LUZP2: variants seen among roughly 807,000 people sequenced by gnomAD.
The protein encoded by LUZP2 is leucine zipper protein 2.
Under a neutral mutation model 51.6 loss-of-function variants are expected in LUZP2, and 52 were observed. The observed-to-expected ratio is 1.01, with a 90% CI of 0.81 to 1.27. The LOEUF is 1.27. Among genes scored for constraint, LUZP2 ranks in the 50% most tolerant of loss-of-function variants. The probability of loss-of-function intolerance (pLI) is 0.00; values close to 1 mark genes in which losing one functional copy is unlikely to be tolerated. For synonymous variants in LUZP2, 154 were observed against 137.3 expected, an observed-to-expected ratio of 1.12 and a Z score of -0.85; for missense variants, 436 against 395.4, an observed-to-expected ratio of 1.10 and a Z score of -0.87.
At chr11:25,044,809 T>C (rs1010522905) in intron 9 of LUZP2, among the ~76,000 whole-genome samples, 1 of 151,836 alleles carries the variant, frequency 6.6e-6, no homozygotes. Context: ...GGAACCAACC[T>C]AAATGTCCAA....
intron 1 of LUZP2, among the ~76,000 whole-genome samples, chr11:24,728,546 CA>C (rs949772824): frequency 6.6e-6 from 1 of 151,766 alleles, no homozygotes; most frequent in Non-Finnish European, 1.5e-5. Flanking sequence ...GAAAATTTTC[CA>C]AAACATAAAT....
chr11:24,827,312 C>T (rs1850573044), intron 5 of LUZP2, among the ~76,000 whole-genome samples: 1 of 151,982 alleles, frequency 6.6e-6, no homozygotes, highest in South Asian at 2.1e-4. Context: ...TTTCTTCAGG[C>T]CCAAGATAAC....
chr11:24,590,819 T>C (rs1420405098), intron 1 of LUZP2, among the ~76,000 whole-genome samples: 2 of 152,212 alleles, frequency 1.3e-5, no homozygotes, highest in Non-Finnish European at 2.9e-5. Flanking sequence ...CTTCCCTTAT[T>C]TTCATCATGG....
chr11:24,650,841 C>T (rs1398756260), intron 1 of LUZP2, among the ~76,000 whole-genome samples: 1 of 152,044 alleles, frequency 6.6e-6, no homozygotes, highest in Non-Finnish European at 1.5e-5. Context: ...CATTAATATG[C>T]ATCATAAGTT....
chr11:24,532,364 T>C (rs1211224896), intron 1 of LUZP2, among the ~76,000 whole-genome samples: 2 of 151,074 alleles, frequency 1.3e-5, no homozygotes, highest in Non-Finnish European at 3.0e-5. Context: ...AGTCTAAACA[T>C]TAAAATTAGT....
chr11:24,926,072 T>A (rs1413839017), intron 7 of LUZP2, among the ~76,000 whole-genome samples: 1 of 151,956 alleles, frequency 6.6e-6, no homozygotes, highest in African/African-American at 2.4e-5. Context: ...TATTATTTTG[T>A]TCCTTTTTAT....
At chr11:24,832,840 TA>T (rs1043230223) in intron 5 of LUZP2, among the ~76,000 whole-genome samples, 1 of 152,062 alleles carries the variant, frequency 6.6e-6, no homozygotes, top group Non-Finnish European at 1.5e-5. Flanking sequence ...TTATTCTAAA[TA>T]AAAAATAAAT....
At chr11:24,854,417 A>G (rs973210624) in intron 5 of LUZP2, among the ~76,000 whole-genome samples, 5 of 152,206 alleles carry the variant, frequency 3.3e-5, no homozygotes, top group Non-Finnish European at 5.9e-5. Context: ...CTTTGTTTAC[A>G]CTATGAGTGG....
chr11:24,745,852 A>G (rs1859361576), intron 4 of LUZP2, among the ~76,000 whole-genome samples: 2 of 151,906 alleles, frequency 1.3e-5, no homozygotes, highest in African/African-American at 2.4e-5. Flanking sequence ...TAATTTTTGT[A>G]TTTTTAGTAG....
chr11:24,889,386 TC>T (rs1430195158), intron 5 of LUZP2, among the ~76,000 whole-genome samples: 1 of 152,164 alleles, frequency 6.6e-6, no homozygotes. Flanking sequence ...ATTACCAGGT[TC>T]CAAATTTTTC....
chr11:25,030,915 G>A (rs900050176), intron 9 of LUZP2, among the ~76,000 whole-genome samples: 751 of 7,454 alleles, frequency 0.1, 20 homozygotes, highest in Non-Finnish European at 0.15. Context: ...AATATATATT[G>A]TATTATATAT....
intron 5 of LUZP2, among the ~76,000 whole-genome samples, chr11:24,900,239 G>A (rs562339606): frequency 4.6e-5 from 7 of 152,142 alleles, no homozygotes; most frequent in African/African-American, 1.2e-4. Context: ...GCTTTATAAG[G>A]TTGGTCTAAA....
intron 7 of LUZP2, among the ~76,000 whole-genome samples, chr11:24,964,277 A>T (rs1855516292): frequency 6.6e-6 from 1 of 152,194 alleles, no homozygotes; most frequent in Non-Finnish European, 1.5e-5. Flanking sequence ...TGGTAATTAC[A>T]TAATGGTGGT....
At chr11:24,698,846 A>T (rs1304149855) in intron 1 of LUZP2, among the ~76,000 whole-genome samples, 2 of 152,054 alleles carry the variant, frequency 1.3e-5, no homozygotes, top group Non-Finnish European at 2.9e-5. Flanking sequence ...ACTTGAGCTC[A>T]GGACTTTGAG....
rs1565280822 is a variant in LUZP2 at position 25,048,832 on chromosome 11, A to ATTT, written c.766-1206_766-1205insTTT. ...TTACTTTTTATTTATTTATTTAATT[A>ATTT]ATTAATTTATTTATTTATTATTATA... On this transcript the variant is annotated intron_variant, in intron 9 of 11. Transcript: ENST00000336930. Among the ~76,000 whole-genome samples, 67 of 150,676 alleles carry ATTT rather than the reference A, an allele frequency of 4.4e-4. 2 individuals are homozygous for ATTT. In the South Asian group the frequency reaches 0.01, roughly 23 times the overall value.
At chr11:24,581,125 C>G (rs536013378) in intron 1 of LUZP2, among the ~76,000 whole-genome samples, 2 of 150,434 alleles carry the variant, frequency 1.3e-5, no homozygotes, top group South Asian at 4.2e-4. Context: ...TATAGAAAGC[C>G]TAGCACCATT....
intron 5 of LUZP2, among the ~76,000 whole-genome samples, chr11:24,783,145 G>A (rs1390148833): frequency 2.0e-5 from 3 of 151,962 alleles, no homozygotes; most frequent in Non-Finnish European, 2.9e-5. Context: ...ACTATCACAA[G>A]CACATGTCCA....
intron 1 of LUZP2, among the ~76,000 whole-genome samples, chr11:24,593,606 C>T (rs745491478): frequency 2.6e-5 from 4 of 152,152 alleles, no homozygotes; most frequent in Non-Finnish European, 5.9e-5. Flanking sequence ...TGGCAACCCT[C>T]ACAGTTTGGG....
At chr11:24,529,737 T>C (rs1263849882) in intron 1 of LUZP2, among the ~76,000 whole-genome samples, 1 of 151,014 alleles carries the variant, frequency 6.6e-6, no homozygotes, top group Non-Finnish European at 1.5e-5. Flanking sequence ...ATTGTTTAAT[T>C]AAGTTAGCCT....
Sources: allele counts gnomAD v4.1 joint callset (sites outside exome capture counted in the v4.1 genomes callset), GRCh38; gene constraint gnomAD v4.1.1; transcripts MANE v1.5; gene names NCBI Gene and HGNC (gene_info 2026-07-23, HGNC 2026-07-21).